AGAP1: variants seen among roughly 807,000 people sequenced by gnomAD.
AGAP1 encodes the protein ArfGAP with GTPase domain, ankyrin repeat and PH domain 1.
In AGAP1, 29 loss-of-function variants were observed where a neutral mutation model predicts 105.3. The ratio of observed to expected loss-of-function variants is 0.28; its 90% CI spans 0.21 to 0.38. The LOEUF is 0.38. Among genes scored for constraint, AGAP1 ranks in the 10% least tolerant of loss-of-function variants. The pLI is 1.00. For missense variants in AGAP1, 998 were observed against 1,165.1 expected (o/e 0.86, Z 2.09); for synonymous variants, 509 against 485.9 (o/e 1.05, Z -0.63).
chr2:236,090,860 C>T lies in AGAP1; in HGVS notation c.2115-29332C>T, dbSNP rs978494391. Reference sequence around the variant, plus strand: ...GTTCAAGCGATTCTCATGCCTCAGCCTCCTGAGTAGCTGGGATTACAGGCA... The same window carrying T: ...GTTCAAGCGATTCTCATGCCTCAGCTTCCTGAGTAGCTGGGATTACAGGCA... On this transcript the variant is annotated intron_variant, in intron 16 of 17. Transcript: ENST00000304032. The surrounding 1 kb of genome is among the most constrained non-coding windows in gnomAD (Gnocchi z 4.3). Among the ~76,000 whole-genome samples the T allele has an allele frequency of 5.9e-5, 9 of 152,224 alleles. No homozygotes were observed. The highest frequency in any genetic ancestry group is 1.3e-4 in the Admixed American group (2 of 15,290).
At chr2:236,103,261 G>C (rs936423377) in intron 16 of AGAP1, among the ~76,000 whole-genome samples, 2 of 152,140 alleles carry the variant, frequency 1.3e-5, no homozygotes, top group South Asian at 4.2e-4. Context: ...GAGGTCACTG[G>C]TCAGTCACCC....
At chr2:235,726,999 A>AT (rs1553615217) in intron 3 of AGAP1, among the ~76,000 whole-genome samples, 2 of 152,106 alleles carry the variant, frequency 1.3e-5, no homozygotes, top group Non-Finnish European at 2.9e-5. Context: ...CAAGCCCTTC[A>AT]TGGTGGTTTC....
chr2:236,026,527 G>A (rs1447791914), intron 13 of AGAP1, among the ~76,000 whole-genome samples: 1 of 152,184 alleles, frequency 6.6e-6, no homozygotes. Flanking sequence ...CCAGAAGTTC[G>A]AGACCAGCCT....
At chr2:235,995,423 A>C (rs1442110489) in intron 13 of AGAP1, among the ~76,000 whole-genome samples, 2 of 152,170 alleles carry the variant, frequency 1.3e-5, no homozygotes, top group Non-Finnish European at 2.9e-5. Context: ...CTGAAGCAGG[A>C]GGATTGCTTG....
In AGAP1 at chr2:235,917,448, TTCCTC is replaced by T. The variant is rs2051946413; in HGVS notation, c.1324+8549_1324+8553del. Among the ~76,000 whole-genome samples the T allele has an allele frequency of 2.6e-5, 4 of 152,158 alleles. 1 individual carries two copies. In the South Asian group the frequency reaches 8.3e-4, roughly 32 times the overall value. On this transcript the variant is annotated intron_variant, in intron 11 of 17. Transcript: ENST00000304032. ...ATATTAATGTGATCGGACTTGCTCTTTCCTCTCCTCTTTCTCTCTCGTCCTCTTTC... is the reference window on the plus strand; with the variant it reads ...ATATTAATGTGATCGGACTTGCTCTTTCCTCTTTCTCTCTCGTCCTCTTTC...
chr2:236,032,624 G>C (rs866869542), intron 13 of AGAP1, among the ~76,000 whole-genome samples: 1 of 152,156 alleles, frequency 6.6e-6, no homozygotes. Context: ...CTGGATGCAC[G>C]CGTGCACGTG....
chr2:236,048,567 G>A (rs926261537), intron 15 of AGAP1, among the ~76,000 whole-genome samples: 10 of 152,178 alleles, frequency 6.6e-5, no homozygotes, highest in African/African-American at 1.7e-4. Flanking sequence ...AAGCATGCCC[G>A]TTGTGTACCT....
chr2:235,567,967 G>A (rs1189025403), intron 1 of AGAP1, among the ~76,000 whole-genome samples: 1 of 152,174 alleles, frequency 6.6e-6, no homozygotes, highest in Non-Finnish European at 1.5e-5. Flanking sequence ...AGGTGGCTTT[G>A]GAGCCAGCAT....
chr2:235,750,284 G>C lies in AGAP1; in HGVS notation c.539-70G>C. 1 of 1,596,564 alleles carries C rather than the reference G, an allele frequency of 6.3e-7. No homozygotes were observed. Among genetic ancestry groups the C allele is most frequent in the Non-Finnish European group, 8.6e-7 (1 of 1,165,684 alleles). On this transcript the variant is annotated intron_variant, in intron 5 of 17. Transcript: ENST00000304032. The surrounding 1 kb of genome is among the most constrained non-coding windows in gnomAD (Gnocchi z 5.3). Reference sequence around the variant, plus strand: ...GAGTAAGGTACTGGTTTTCCGTGTTGTGGGGAGTGTAGGAAGTATTTAGAG... The same window carrying C: ...GAGTAAGGTACTGGTTTTCCGTGTTCTGGGGAGTGTAGGAAGTATTTAGAG...
intron 9 of AGAP1, among the ~76,000 whole-genome samples, chr2:235,837,001 T>C (rs1960245080): frequency 6.6e-6 from 1 of 151,696 alleles, no homozygotes; most frequent in African/African-American, 2.4e-5. Flanking sequence ...TGGGAGGGGG[T>C]TGAGACGGAG....
rs1216842154 is a variant in AGAP1 at position 235,719,404 on chromosome 2, T to C, written c.310+1760T>C. ...TATTTGGGCCCAGCTGGGATGTCTTTTGCAGTGCATAATTGACCCTTACAT... is the reference window on the plus strand; with the variant it reads ...TATTTGGGCCCAGCTGGGATGTCTTCTGCAGTGCATAATTGACCCTTACAT... On this transcript the variant is annotated intron_variant, in intron 3 of 17. Coordinates refer to ENST00000304032, the MANE Select transcript of AGAP1 (RefSeq NM_001037131.3). The surrounding 1 kb of genome is among the most constrained non-coding windows in gnomAD (Gnocchi z 4.9). Among the ~76,000 whole-genome samples the C allele has an allele frequency of 1.3e-5, 2 of 152,210 alleles. No individual in the cohort carries two copies. The highest frequency in any genetic ancestry group is 1.5e-5 in the Non-Finnish European group (1 of 68,048).
At chr2:235,661,243 G>C (rs1024031989) in intron 1 of AGAP1, among the ~76,000 whole-genome samples, 8 of 152,084 alleles carry the variant, frequency 5.3e-5, no homozygotes, top group African/African-American at 1.9e-4. Flanking sequence ...CGGAGGAGAG[G>C]CTTTTGTTGA....
At chr2:235,534,251 TGG>T (rs1025992180) in intron 1 of AGAP1, among the ~76,000 whole-genome samples, 7 of 151,944 alleles carry the variant, frequency 4.6e-5, no homozygotes, top group African/African-American at 1.7e-4. Context: ...GTGCGCATGG[TGG>T]GGATGAGGGG....
rs1390497198 is a variant in AGAP1 at position 236,046,203 on chromosome 2, G to A, written c.1892-2856G>A. ...ATCCAGATGTGAGTGGAGACAGTGT[G>A]TCAGAGCACTCCCCACAGCACTCGG... is the stretch of plus-strand genomic sequence containing the variant. On this transcript the variant is annotated intron_variant, in intron 15 of 17. Transcript: ENST00000304032. This position sits in a 1 kb window ranked among gnomAD's most constrained non-coding sequence, Gnocchi z 5.2. 2.6e-5 allele frequency among the ~76,000 whole-genome samples: 4 copies of A among 152,218 alleles called. No homozygotes were observed. The highest frequency in any genetic ancestry group is 5.9e-5 in the Non-Finnish European group (4 of 68,034).
intron 11 of AGAP1, among the ~76,000 whole-genome samples, chr2:235,917,554 G>T (rs181057236): frequency 6.7e-4 from 102 of 152,102 alleles, no homozygotes; most frequent in Admixed American, 1.4e-3. Flanking sequence ...AAGAGGGAGC[G>T]CTCTCCGCCG....
At chr2:235,676,527 A>C (rs1464394888) in intron 1 of AGAP1, among the ~76,000 whole-genome samples, 1 of 152,232 alleles carries the variant, frequency 6.6e-6, no homozygotes, top group African/African-American at 2.4e-5. Context: ...GGAGTTTACC[A>C]GGTAGAGAAG....
chr2:236,012,116 G>A lies in AGAP1; in HGVS notation c.1646-24445G>A, dbSNP rs943606066. ...TTGTTTAAGGGGAAGAAACAGGCAC[G>A]ACATTTTGCACATTAAAATGGATTA... is the stretch of plus-strand genomic sequence containing the variant. On this transcript the variant is annotated intron_variant, in intron 13 of 17. Transcript: ENST00000304032. This position sits in a 1 kb window ranked among gnomAD's most constrained non-coding sequence, Gnocchi z 4.9. Among the ~76,000 whole-genome samples the A allele has an allele frequency of 6.6e-5, 10 of 152,116 alleles. No homozygotes were observed. Among genetic ancestry groups the A allele is most frequent in the Admixed American group, 5.2e-4 (8 of 15,284 alleles).
chr2:235,913,290 A>G (rs1312980694), intron 11 of AGAP1, among the ~76,000 whole-genome samples: 4 of 152,096 alleles, frequency 2.6e-5, no homozygotes, highest in Non-Finnish European at 4.4e-5. Flanking sequence ...ATGTATATGC[A>G]TATATATCTG....
At chr2:235,749,210 TAAAAA>T (rs1553621045) in intron 5 of AGAP1, among the ~76,000 whole-genome samples, 1 of 148,764 alleles carries the variant, frequency 6.7e-6, no homozygotes, top group Non-Finnish European at 1.5e-5. Flanking sequence ...TCCATCTCAT[TAAAAA>T]AAAAGAAAAA....
Sources: gnomAD v4.1 joint callset for allele counts (sites outside exome capture counted in the v4.1 genomes callset) on GRCh38, gnomAD v4.1.1 for gene constraint, Gnocchi (gnomAD v3.1) non-coding constraint, MANE v1.5 for transcripts, NCBI Gene and HGNC (gene_info 2026-07-23, HGNC 2026-07-21) for gene names.